DYNC1H1: variants seen among roughly 807,000 people sequenced by gnomAD.
The protein encoded by DYNC1H1 is cytoplasmic dynein 1 heavy chain 1.
In DYNC1H1, 51 loss-of-function variants were observed where a neutral mutation model predicts 527.1. The ratio of observed to expected loss-of-function variants is 0.10; its 90% CI spans 0.08 to 0.12. DYNC1H1 has a LOEUF of 0.12. Among genes scored for constraint, DYNC1H1 ranks in the 10% least tolerant of loss-of-function variants. The pLI is 1.00. For missense variants in DYNC1H1, 2,771 were observed against 5,971.8 expected (o/e 0.46, Z 17.66); for synonymous variants, 2,189 against 2,278.8 (o/e 0.96, Z 1.12).
chr14:102,042,824 GTC>G lies in DYNC1H1; in HGVS notation c.12513+77_12513+78del. ...GTCCCATCACCAAATGCAGAAGTGGGTCCCTGGGCCCCCGGAAGTGCCGTGTG... is the reference window on the plus strand; with the variant it reads ...GTCCCATCACCAAATGCAGAAGTGGGCCTGGGCCCCCGGAAGTGCCGTGTG... On this transcript the variant is annotated intron_variant, in intron 69 of 77. Transcript: ENST00000360184. The surrounding 1 kb of genome is among the most constrained non-coding windows in gnomAD (Gnocchi z 5.7). 6.5e-7 allele frequency: 1 copy of G among 1,540,434 alleles called. No individual in the cohort carries two copies. The highest frequency in any genetic ancestry group is 8.9e-7 in the Non-Finnish European group (1 of 1,126,082).
intron 44 of DYNC1H1, 54 bp downstream of exon 44, chr14:102,026,761 AGT>A: frequency 6.3e-7 from 1 of 1,597,806 alleles, no homozygotes. Flanking sequence ...CTCTTGAGTA[AGT>A]GTGTGTGCCG....
intron 34 of DYNC1H1, among the ~76,000 whole-genome samples, chr14:102,014,233 A>G (rs1420660889): frequency 6.6e-6 from 1 of 152,098 alleles, no homozygotes; most frequent in African/African-American, 2.4e-5. Context: ...CACCTGCGCC[A>G]TCTTTAAACT....
intron 27 of DYNC1H1, 63 bp downstream of exon 27, chr14:102,006,233 A>G: frequency 1.3e-6 from 2 of 1,596,064 alleles, no homozygotes; most frequent in South Asian, 1.1e-5. Flanking sequence ...AGATAAAGCT[A>G]ATGATTTGAA....
At position 101,979,938 on chromosome 14, in the gene DYNC1H1, A is replaced by G. The variant is rs117189734; in HGVS notation, c.738A>G (p.Gln246=). ...VEDPTFLNQL[Q]SGVNRWIREI... ...ACCCAACATTTCTTAATCAGTTACA[A>G]TCTGGAGTTAACCGCTGGATCCGAG... The change falls in exon 4 of 78, where the codon CAA becomes CAG. Residue 246 remains glutamine, a synonymous_variant. Transcript: ENST00000360184. The surrounding 1 kb of genome is among the most constrained non-coding windows in gnomAD (Gnocchi z 4.6). 840 of 1,614,230 alleles carry G rather than the reference A, an allele frequency of 5.2e-4. 8 individuals carry two copies. The East Asian group carries it at 0.014, about 26-fold the overall frequency.
At position 102,042,873 on chromosome 14, in the gene DYNC1H1, G is replaced by A; in HGVS notation, c.12513+125G>A. On this transcript the variant is annotated intron_variant, in intron 69 of 77. Transcript: ENST00000360184. The surrounding 1 kb of genome is among the most constrained non-coding windows in gnomAD (Gnocchi z 5.7). ...TGTGGTGAACTGCACAGCTGCTTTT[G>A]CTTTTCAGCTGTAGGTAAAATTTCC... 1 of 1,130,022 alleles carries A rather than the reference G, an allele frequency of 8.8e-7. No homozygotes were observed. The highest frequency in any genetic ancestry group is 1.3e-5 in the South Asian group (1 of 75,510). The allele number at this position is 1,130,022 out of a possible 1,614,324, so 70.0% of individuals were successfully genotyped here. A position where few individuals can be genotyped will look rare whatever the true frequency, so the allele number is the denominator to read the frequency against.
Position 102,015,479 on chromosome 14 carries a change from C to T in DYNC1H1, c.7242+147C>T. On this transcript the variant is annotated intron_variant, in intron 35 of 77. Coordinates refer to ENST00000360184, the MANE Select transcript of DYNC1H1 (RefSeq NM_001376.5). The surrounding 1 kb of genome is among the most constrained non-coding windows in gnomAD (Gnocchi z 6.9). Reference sequence around the variant, plus strand: ...CCTCTCAAAGTGCTGGGATTACAGGCATGAGTCACTGTACCCAGCCAACTT... The same window carrying T: ...CCTCTCAAAGTGCTGGGATTACAGGTATGAGTCACTGTACCCAGCCAACTT... 1 of 970,352 alleles carries T rather than the reference C, an allele frequency of 1.0e-6. No homozygotes were observed. Among genetic ancestry groups the T allele is most frequent in the Non-Finnish European group, 1.5e-6 (1 of 665,526 alleles). The allele number at this position is 970,352 out of a possible 1,614,324, so 60.1% of individuals were successfully genotyped here.
In DYNC1H1 at chr14:102,049,369, C is replaced by A. The variant is rs1045038300; in HGVS notation, c.13373-71C>A. 1.2e-6 allele frequency: 2 copies of A among 1,607,550 alleles called. No individual in the cohort carries two copies. The highest frequency in any genetic ancestry group is 1.1e-5 in the South Asian group (1 of 90,706). On this transcript the variant is annotated intron_variant, in intron 74 of 77. Coordinates refer to ENST00000360184, the MANE Select transcript of DYNC1H1 (RefSeq NM_001376.5). This position sits in a 1 kb window ranked among gnomAD's most constrained non-coding sequence, Gnocchi z 5.5. The stretch of plus-strand genomic sequence containing the variant: ...GGGCAGCCAGGATGCCTAGCACTTG[C>A]ACATTTGTTCCATCTGTGCTGGGGG...
At chr14:101,973,668 G>A (rs1272399979) in intron 1 of DYNC1H1, among the ~76,000 whole-genome samples, 1 of 152,124 alleles carries the variant, frequency 6.6e-6, no homozygotes, top group Non-Finnish European at 1.5e-5. Flanking sequence ...ACTGAAGGTG[G>A]TGGCATGAGC....
In DYNC1H1 at chr14:102,034,316, G is replaced by C. The variant is rs750789182; in HGVS notation, c.10627-9G>C. The C allele has an allele frequency of 6.2e-7, 1 of 1,614,232 alleles. No homozygotes were observed. Among genetic ancestry groups the C allele is most frequent in the Non-Finnish European group, 8.5e-7 (1 of 1,180,040 alleles). ...GAAGAGGAGGAAAGGTAACGGCCTTGCCTTTCAGTTCCGTACAGATATTGC... is the reference window on the plus strand; with the variant it reads ...GAAGAGGAGGAAAGGTAACGGCCTTCCCTTTCAGTTCCGTACAGATATTGC... On this transcript the variant is annotated splice_polypyrimidine_tract_variant and intron_variant, in intron 55 of 77. Transcript: ENST00000360184.
In DYNC1H1 at chr14:102,054,515, C is replaced by T. The variant is rs760031363; in HGVS notation, c.*3952C>T. ...CACAGCCCACCCCCAACCGCCAGGG[C>T]CACCCAAACACCAGTTACAACACCA... On this transcript the variant is annotated 3_prime_UTR_variant, in exon 78 of 78. Coordinates refer to ENST00000360184, the MANE Select transcript of DYNC1H1 (RefSeq NM_001376.5). 3.3e-5 allele frequency: 5 copies of T among 152,430 alleles called. No individual in the cohort carries two copies. The East Asian group carries it at 7.7e-4, about 23-fold the overall frequency. The allele number at this position is 152,430 out of a possible 1,614,324, so 9.4% of individuals were successfully genotyped here.
At position 102,027,606 on chromosome 14, in the gene DYNC1H1, T is replaced by C. The variant is rs368468406; in HGVS notation, c.9049-13T>C. The C allele has an allele frequency of 6.2e-7, 1 of 1,614,180 alleles. No homozygotes were observed. The highest frequency in any genetic ancestry group is 8.5e-7 in the Non-Finnish European group (1 of 1,180,024). ...CCGGGGGACCAGTAAGTCAGCACTG[T>C]GCTGTTTCCCAGGTGCCTGGTCTCT... On this transcript the variant is annotated splice_polypyrimidine_tract_variant and intron_variant, in intron 46 of 77. Coordinates refer to ENST00000360184, the MANE Select transcript of DYNC1H1 (RefSeq NM_001376.5). This position sits in a 1 kb window ranked among gnomAD's most constrained non-coding sequence, Gnocchi z 7.7.
rs1206639344 is a variant in DYNC1H1 at position 102,047,976 on chromosome 14, A to G, written c.13166A>G (p.His4389Arg). Reference sequence around the variant, plus strand: ...CACACCACCGCGTCCAACTGGCTGCACCTCATCCCCCAGACGCTGAGCCAC... The same window carrying G: ...CACACCACCGCGTCCAACTGGCTGCGCCTCATCCCCCAGACGCTGAGCCAC... ...TLHTTASNWL[H>R]LIPQTLSHLK... The change falls in exon 73 of 78, where the codon CAC (histidine) becomes CGC (arginine). Residue 4389 changes from histidine (H) to arginine (R), a missense_variant. Physicochemically the swap from His to Arg is conservative, Grantham distance 29 (BLOSUM62 0). Transcript: ENST00000360184. 7 of 1,612,690 alleles carry G rather than the reference A, an allele frequency of 4.3e-6. No homozygotes were observed. The highest frequency in any genetic ancestry group is 5.9e-6 in the Non-Finnish European group (7 of 1,179,998).
chr14:102,050,625 A>T lies in DYNC1H1; in HGVS notation c.*62A>T, dbSNP rs558207531. The stretch of plus-strand genomic sequence containing the variant: ...TGGTATTTAACATTTATTCATTTTT[A>T]AAATATTTGGAAGGTCTGAGCTTGT... On this transcript the variant is annotated 3_prime_UTR_variant, in exon 78 of 78. Transcript: ENST00000360184. 2.7e-4 allele frequency: 430 copies of T among 1,612,874 alleles called. 2 individuals carry two copies. The African/African-American group carries it at 5.3e-3, about 20-fold the overall frequency.
chr14:102,039,602 CT>C lies in DYNC1H1; in HGVS notation c.11596-34del. 2 of 1,614,174 alleles carry C rather than the reference CT, an allele frequency of 1.2e-6. No individual in the cohort carries two copies. Among genetic ancestry groups the C allele is most frequent in the Non-Finnish European group, 1.7e-6 (2 of 1,180,042 alleles). On this transcript the variant is annotated intron_variant, in intron 61 of 77. Coordinates refer to ENST00000360184, the MANE Select transcript of DYNC1H1 (RefSeq NM_001376.5). The surrounding 1 kb of genome is among the most constrained non-coding windows in gnomAD (Gnocchi z 7.0). ...GGGGGGGAAGCAGGGTGCTGCTTCTCTTATGGAACAACATCGTCTCCTGCTC... is the reference window on the plus strand; with the variant it reads ...GGGGGGGAAGCAGGGTGCTGCTTCTCTATGGAACAACATCGTCTCCTGCTC...
intron 74 of DYNC1H1, 141 bp downstream of exon 74, chr14:102,048,810 CAAGGTGGG>C: frequency 2.2e-6 from 1 of 457,892 alleles, no homozygotes; most frequent in Non-Finnish European, 3.2e-6. Flanking sequence ...CTCTTACCCT[CAAGGTGGG>C]CGGGGGGAGG....
At chr14:102,014,498 C>T (rs1166443186) in intron 34 of DYNC1H1, among the ~76,000 whole-genome samples, 5 of 149,478 alleles carry the variant, frequency 3.3e-5, no homozygotes, top group South Asian at 2.1e-4. Flanking sequence ...CCATTGCATT[C>T]GAGCCTGGGC....
chr14:102,047,877 C>A lies in DYNC1H1; in HGVS notation c.13067C>A (p.Ala4356Asp). The A allele has an allele frequency of 6.2e-7, 1 of 1,613,552 alleles. No homozygotes were observed. The highest frequency in any genetic ancestry group is 8.5e-7 in the Non-Finnish European group (1 of 1,179,986). The change falls in exon 73 of 78, where the codon GCC (alanine) becomes GAC (aspartate). Residue 4356 changes from alanine to aspartate, a missense_variant. Ala to Asp is a moderately radical substitution (Grantham distance 126). This residue lies in a region of DYNC1H1 where 170 missense variants were observed against 249.8 expected (regional missense o/e 0.68). Coordinates refer to ENST00000360184, the MANE Select transcript of DYNC1H1 (RefSeq NM_001376.5). Reference sequence around the variant, plus strand: ...ATGTTGGAGGATGAGGACGACCTGGCCTACGCAGAGACTGAGAAGAAGACG... The same window carrying A: ...ATGTTGGAGGATGAGGACGACCTGGACTACGCAGAGACTGAGAAGAAGACG... The part of the protein sequence containing the change: ...MQMLEDEDDL[A>D]YAETEKKTRT...
chr14:102,018,081 G>A lies in DYNC1H1; in HGVS notation c.8178-370G>A, dbSNP rs1415959814. ...AGATCGCACCACTGCACTCCAGCCT[G>A]GGCAACAGAGCAAGACTCCATCTCA... On this transcript the variant is annotated intron_variant, in intron 40 of 77. Coordinates refer to ENST00000360184, the MANE Select transcript of DYNC1H1 (RefSeq NM_001376.5). This position sits in a 1 kb window ranked among gnomAD's most constrained non-coding sequence, Gnocchi z 5.2. The A allele has an allele frequency of 3.6e-5, 9 of 251,544 alleles. No homozygotes were observed. Among genetic ancestry groups the A allele is most frequent in the East Asian group, 3.1e-4 (3 of 9,786 alleles). 15.6% of individuals were successfully genotyped at this position (251,544 alleles called of 1,614,324 possible).
intron 72 of DYNC1H1, 138 bp from the exon 73 acceptor site, chr14:102,047,679 G>A (rs1196659109): frequency 1.5e-6 from 1 of 688,948 alleles, no homozygotes; most frequent in Non-Finnish European, 2.4e-6. Context: ...ACACGGCTGA[G>A]CACCTTCCAG....
Sources: gnomAD v4.1 joint callset for allele counts (sites outside exome capture counted in the v4.1 genomes callset) on GRCh38, gnomAD v4.1.1 for gene constraint, gnomAD v4.1.1 regional missense constraint, Gnocchi (gnomAD v3.1) non-coding constraint, MANE v1.5 for transcripts, NCBI Gene and HGNC (gene_info 2026-07-23, HGNC 2026-07-21) for gene names.